FAM107B: variants seen among roughly 807,000 people sequenced by gnomAD.
FAM107B encodes the protein family with sequence similarity 107 member B, also known as protein FAM107B.
Under a neutral mutation model 31.5 loss-of-function variants are expected in FAM107B, and 21 were observed. The ratio of observed to expected loss-of-function variants is 0.67; its 90% CI spans 0.47 to 0.96. FAM107B has a LOEUF of 0.96. Ranked by LOEUF, FAM107B falls within the 40% of genes least tolerant of loss-of-function variation. FAM107B has a pLI of 0.00. For missense variants in FAM107B, 452 were observed against 377.1 expected (o/e 1.20, Z -1.64); for synonymous variants, 157 against 141.5 (o/e 1.11, Z -0.78).
chr10:14,697,727 G>A (rs751405140), intron 1 of FAM107B, among the ~76,000 whole-genome samples: 13 of 152,150 alleles, frequency 8.5e-5, no homozygotes, highest in Non-Finnish European at 2.9e-5. Context: ...CATCAGTCTC[G>A]AAGGGACTCT....
intron 1 of FAM107B, among the ~76,000 whole-genome samples, chr10:14,731,727 T>C (rs1275021305): frequency 6.6e-6 from 1 of 152,136 alleles, no homozygotes; most frequent in African/African-American, 2.4e-5. Context: ...CTTTTCTATG[T>C]TTAGATACAC....
chr10:14,667,413 AAAAG>A lies in FAM107B; in HGVS notation c.469+217_469+220del, dbSNP rs1454764166. 2.6e-5 allele frequency among the ~76,000 whole-genome samples: 4 copies of A among 152,376 alleles called. No individual in the cohort carries two copies. In the East Asian group the frequency reaches 7.7e-4, roughly 29 times the overall value. On this transcript the variant is annotated intron_variant, in intron 2 of 4. Coordinates refer to ENST00000181796, the MANE Select transcript of FAM107B (RefSeq NM_031453.4). ...TTGTTCATCAAGAACTGTAATCAAT[AAAAG>A]AAAGAAGACAAAGAACAGAACGAGC...
chr10:14,689,354 TG>T (rs1295543524), intron 1 of FAM107B, among the ~76,000 whole-genome samples: 1 of 140,942 alleles, frequency 7.1e-6, no homozygotes, highest in Non-Finnish European at 1.5e-5. Context: ...CACTTTAGCC[TG>T]GGCAACAGAA....
intron 2 of FAM107B, among the ~76,000 whole-genome samples, chr10:14,582,889 CG>C (rs1339982785): frequency 3.3e-5 from 5 of 151,970 alleles, no homozygotes; most frequent in African/African-American, 1.2e-4. Flanking sequence ...AGTTCGAGAT[CG>C]GCCTGGCCAA....
chr10:14,741,385 G>C (rs1002030442), intron 1 of FAM107B, among the ~76,000 whole-genome samples: 1 of 152,190 alleles, frequency 6.6e-6, no homozygotes, highest in Non-Finnish European at 1.5e-5. Context: ...AAGAAGAGAG[G>C]AGGGCAAGAG....
At chr10:14,696,270 G>A (rs1855263264) in intron 1 of FAM107B, among the ~76,000 whole-genome samples, 1 of 152,308 alleles carries the variant, frequency 6.6e-6, no homozygotes, top group East Asian at 1.9e-4. Flanking sequence ...CTCGCATTCT[G>A]TTAATGTGAT....
intron 2 of FAM107B, among the ~76,000 whole-genome samples, chr10:14,564,518 A>AG (rs1276955602): frequency 6.6e-6 from 1 of 152,076 alleles, no homozygotes; most frequent in East Asian, 1.9e-4. Flanking sequence ...AAAAAAAAAA[A>AG]AAAAGATAAA....
At chr10:14,646,390 C>T (rs1308958070) in intron 2 of FAM107B, among the ~76,000 whole-genome samples, 1 of 152,172 alleles carries the variant, frequency 6.6e-6, no homozygotes, top group East Asian at 1.9e-4. Context: ...TCTGTATGCC[C>T]ATCGCTTAGC....
chr10:14,545,902 C>T (rs1848649279), intron 2 of FAM107B, among the ~76,000 whole-genome samples: 2 of 152,142 alleles, frequency 1.3e-5, no homozygotes, highest in South Asian at 4.1e-4. Flanking sequence ...AGAGGATGGA[C>T]TGAGAAGATG....
intron 2 of FAM107B, among the ~76,000 whole-genome samples, chr10:14,565,233 A>T (rs1311248940): frequency 6.6e-6 from 1 of 152,028 alleles, no homozygotes; most frequent in Non-Finnish European, 1.5e-5. Context: ...CTACTGGGGG[A>T]AGCAGGCATT....
intron 2 of FAM107B, among the ~76,000 whole-genome samples, chr10:14,623,989 A>G (rs1216634907): frequency 6.6e-6 from 1 of 152,230 alleles, no homozygotes; most frequent in Admixed American, 6.5e-5. Flanking sequence ...TGAACATGCC[A>G]ACATTTGTTA....
chr10:14,774,507 G>C lies in FAM107B; in HGVS notation c.157C>G (p.Arg53Gly). 1 of 1,614,202 alleles carries C rather than the reference G, an allele frequency of 6.2e-7. No individual in the cohort carries two copies. The highest frequency in any genetic ancestry group is 8.5e-7 in the Non-Finnish European group (1 of 1,180,036). The change falls in exon 1 of 5, where the codon CGT (arginine) becomes GGT (glycine). Residue 53 changes from arginine to glycine, a missense_variant. Transcript: ENST00000181796. ...SGVADTHSTV[R>G]VQPVAKAGRQ... ...CCTGCTTTGGCCACAGGCTGCACAC[G>C]GACGGTGGAATGAGTATCAGCCACG... is the stretch of plus-strand genomic sequence containing the variant.
intron 2 of FAM107B, among the ~76,000 whole-genome samples, chr10:14,612,107 A>C (rs1852741909): frequency 2.0e-5 from 3 of 152,074 alleles, no homozygotes; most frequent in Admixed American, 2.0e-4. Flanking sequence ...CCAATCTTAG[A>C]AGTAAAGTTC....
At chr10:14,668,964 A>G (rs1333031390) in intron 1 of FAM107B, among the ~76,000 whole-genome samples, 1 of 152,206 alleles carries the variant, frequency 6.6e-6, no homozygotes, top group Non-Finnish European at 1.5e-5. Flanking sequence ...AAAAACTGGT[A>G]TTATTCATTA....
At chr10:14,758,782 G>A (rs1832979256) in intron 1 of FAM107B, among the ~76,000 whole-genome samples, 1 of 150,494 alleles carries the variant, frequency 6.6e-6, no homozygotes, top group African/African-American at 2.4e-5. Flanking sequence ...AGGCTGAGGC[G>A]AGAGGATCAC....
At chr10:14,626,910 T>A (rs1853180820) in intron 2 of FAM107B, among the ~76,000 whole-genome samples, 1 of 152,200 alleles carries the variant, frequency 6.6e-6, no homozygotes, top group Non-Finnish European at 1.5e-5. Flanking sequence ...ACCCACCTGA[T>A]CTGTTTGTAC....
intron 2 of FAM107B, among the ~76,000 whole-genome samples, chr10:14,579,358 G>A (rs970328813): frequency 4.6e-5 from 7 of 152,206 alleles, no homozygotes; most frequent in South Asian, 2.1e-4. Flanking sequence ...TGAAGAAACC[G>A]TATATTCAAT....
intron 2 of FAM107B, among the ~76,000 whole-genome samples, chr10:14,574,266 T>C (rs1441825027): frequency 6.6e-6 from 1 of 152,256 alleles, no homozygotes; most frequent in African/African-American, 2.4e-5. Flanking sequence ...CTCTTTACAT[T>C]CTGTACCCTG....
At chr10:14,678,283 C>T (rs985989293) in intron 1 of FAM107B, among the ~76,000 whole-genome samples, 2 of 152,144 alleles carry the variant, frequency 1.3e-5, no homozygotes, top group Non-Finnish European at 2.9e-5. Context: ...AGAGTGGATA[C>T]GTATTATGTT....
Sources: gnomAD v4.1 joint callset for allele counts (sites outside exome capture counted in the v4.1 genomes callset) on GRCh38, gnomAD v4.1.1 for gene constraint, MANE v1.5 for transcripts, NCBI Gene and HGNC (gene_info 2026-07-23, HGNC 2026-07-21) for gene names.